The following HCFC1 variants were observed in gnomAD, a reference collection of about 807,000 sequenced individuals.
The protein encoded by HCFC1 is host cell factor 1.
A neutral mutation model predicts 105.5 loss-of-function variants in HCFC1; 7 were observed. The ratio of observed to expected loss-of-function variants is 0.07; its 90% confidence interval spans 0.04 to 0.12. The LOEUF (loss-of-function observed/expected upper bound fraction) is 0.12. HCFC1 is among the 10% of genes least tolerant of loss of function. The pLI is 1.00. For missense variants in HCFC1, 1,065 were observed against 1,823.6 expected, an observed-to-expected ratio of 0.58 and a Z score of 7.58; for synonymous variants, 918 against 828.1, an observed-to-expected ratio of 1.11 and a Z score of -1.86.
intron 8 of HCFC1, 149 bp downstream of exon 8, chrX:153,959,653 A>G (rs2065410523): frequency 2.1e-6 from 2 of 934,607 alleles, no homozygotes; most frequent in South Asian, 2.4e-5. Flanking sequence ...GCCAGGCTTT[A>G]GCATCCCCCT....
intron 1 of HCFC1, among the ~76,000 whole-genome samples, chrX:153,965,015 C>CTT (rs1374616053): frequency 1.9e-4 from 21 of 111,483 alleles, no homozygotes; most frequent in Non-Finnish European, 1.3e-4. Flanking sequence ...CACTGCCTTC[C>CTT]TTCCCTAGCA....
chrX:153,950,116 G>C, intron 24 of HCFC1, 127 bp downstream of exon 24: 1 of 727,851 alleles, frequency 1.4e-6, no homozygotes, highest in Non-Finnish European at 2.0e-6. Context: ...GGGGGGCTGT[G>C]TGCGCGCCAA....
At position 153,954,082 on chromosome X, in the gene HCFC1, G is replaced by A. The variant is rs2065343300; in HGVS notation, c.4317C>T (p.Asn1439=). The part of the protein sequence containing the change: ...TTHTATTVTS[N]MSSNQDPPPA... ...TTCACTTACCTTGGTTTGAACTCAT[G>A]TTGGAAGTGACAGTGGTGGCCGTGT... is the stretch of plus-strand genomic sequence containing the variant. Residue 1439 remains asparagine, a synonymous_variant, in exon 17 of 26, where the codon AAC becomes AAT. Coordinates refer to ENST00000310441, the MANE Select transcript of HCFC1 (RefSeq NM_005334.3). 2 of 1,202,504 alleles carry A rather than the reference G, an allele frequency of 1.7e-6. No individual in the cohort carries two copies. Among genetic ancestry groups the A allele is most frequent in the Non-Finnish European group, 1.1e-6 (1 of 889,009 alleles).
Position 153,954,534 on chromosome X carries a change from A to T in HCFC1, c.3865T>A (p.Cys1289Ser). 6 of 1,210,723 alleles carry T rather than the reference A, an allele frequency of 5.0e-6. No homozygotes were observed. Among genetic ancestry groups the T allele is most frequent in the Non-Finnish European group, 6.7e-6 (6 of 895,039 alleles). Reference sequence around the variant, plus strand: ...TGGGTCTCACATGGTGGGTTGGAGCAGACTTGGGTCACGGTGGCCGAGGGG... The same window carrying T: ...TGGGTCTCACATGGTGGGTTGGAGCTGACTTGGGTCACGGTGGCCGAGGGG... Reference protein sequence around the residue: ...LCPSATVTQVCSNPPCETHET... With the variant: ...LCPSATVTQVSSNPPCETHET... Residue 1289 changes from cysteine to serine, a missense_variant, in exon 17 of 26, where the codon TGC becomes AGC. Cys to Ser is a moderately radical substitution (Grantham distance 112). Transcript: ENST00000310441.
At chrX:153,957,647 G>C (rs2065390844) in intron 12 of HCFC1, 114 bp from the exon 13 acceptor site, 1 of 774,245 alleles carries the variant, frequency 1.3e-6, no homozygotes, top group East Asian at 3.2e-5. Context: ...GAGGCTGTGG[G>C]CGAGGGGAGT....
intron 18 of HCFC1, among the ~76,000 whole-genome samples, chrX:153,953,361 C>T (rs989581939): frequency 8.0e-5 from 9 of 112,185 alleles, no homozygotes; most frequent in Non-Finnish European, 1.7e-4. Context: ...ATGTCTTATA[C>T]AGGCTGCGGT....
In HCFC1 at chrX:153,950,819, G is replaced by T. The variant is rs1557112237; in HGVS notation, c.5697C>A (p.Ile1899=). 8.3e-7 allele frequency: 1 copy of T among 1,209,564 alleles called. No homozygotes were observed. The highest frequency in any genetic ancestry group is 1.1e-6 in the Non-Finnish European group (1 of 894,812). Residue 1899 remains isoleucine, a synonymous_variant, in exon 23 of 26, where the codon ATC becomes ATA. Transcript: ENST00000310441. ...ACCCCACAGCAAGACTCACTTTGCT[G>T]ATTTTAATGGCACAAGGGGCCCCTG... is the stretch of plus-strand genomic sequence containing the variant. ...GFPGAPCAIK[I]SKSPDGAHLT... is the part of the protein sequence containing the mutation.
At position 153,949,533 on chromosome X, in the gene HCFC1, G is replaced by A. The variant is rs782429228; in HGVS notation, c.6068+20C>T. 20 of 1,202,166 alleles carry A rather than the reference G, an allele frequency of 1.7e-5. No individual in the cohort carries two copies. The highest frequency in any genetic ancestry group is 3.5e-5 in the South Asian group (2 of 56,677). On this transcript the variant is annotated intron_variant, in intron 25 of 25. Coordinates refer to ENST00000310441, the MANE Select transcript of HCFC1 (RefSeq NM_005334.3). Reference sequence around the variant, plus strand: ...CCACCCCTAGTCTCAGAAGGTTCCCGAGAGGGGCTTCCTGCTTACATTTCT... The same window carrying A: ...CCACCCCTAGTCTCAGAAGGTTCCCAAGAGGGGCTTCCTGCTTACATTTCT...
At position 153,971,616 on chromosome X, in the gene HCFC1, CT is replaced by C. The variant is rs1603299724; in HGVS notation, c.-777del. The C allele has an allele frequency of 1.7e-5, 5 of 295,192 alleles. No homozygotes were observed. The highest frequency in any genetic ancestry group is 2.4e-5 in the Non-Finnish European group (4 of 168,705). 24.3% of individuals were successfully genotyped at this position (295,192 alleles called of 1,213,427 possible). A position where few individuals can be genotyped will look rare whatever the true frequency, so the allele number is the denominator to read the frequency against. ...CTTGAGACTAGCTCCCCGTTCCCCC[CT>C]ATTCTCTTCCTCCTAGGTCAGTTCT... On this transcript the variant is annotated 5_prime_UTR_variant, in exon 1 of 26. It adds an upstream start codon to the 5' untranslated region. Transcript: ENST00000310441.
At chrX:153,952,187 T>C in intron 19 of HCFC1, 29 bp from the exon 20 acceptor site, 1 of 1,086,402 alleles carries the variant, frequency 9.2e-7, no homozygotes, top group Non-Finnish European at 1.2e-6. Flanking sequence ...AAACACTACT[T>C]ACTAGGAAGG....
chrX:153,957,812 C>T lies in HCFC1; in HGVS notation c.2103G>A (p.Ala701=), dbSNP rs782534447. ...PVQTSAVTGQ[A]STGPVTQIIQ... is the part of the protein sequence containing the mutation. ...TGATCTGAGTCACAGGACCCGTGGA[C>T]GCCTGGCCTGTGACTGCTGAAGTCT... The change falls in exon 12 of 26, where the codon GCG becomes GCA. Residue 701 remains alanine (A), a synonymous_variant. Coordinates refer to ENST00000310441, the MANE Select transcript of HCFC1 (RefSeq NM_005334.3). 1.2e-5 allele frequency: 15 copies of T among 1,207,694 alleles called. No individual in the cohort carries two copies. Among genetic ancestry groups the T allele is most frequent in the South Asian group, 1.8e-5 (1 of 56,763 alleles).
Position 153,962,305 on chromosome X carries a change from G to A in HCFC1, c.714C>T (p.Asp238=), listed in dbSNP as rs1557117223. ...GACTGGGCTTATTCCACGTCAGGGT[G>A]TCTGCAGAGAGACGGAGGGGAAAGG... ...RLGDLWTLDI[D]TLTWNKPSLS... The change falls in exon 5 of 26, where the codon GAC becomes GAT. Residue 238 remains aspartate (D), a splice_region_variant and synonymous_variant. Transcript: ENST00000310441. 3.3e-6 allele frequency: 4 copies of A among 1,200,702 alleles called. No homozygotes were observed. The highest frequency in any genetic ancestry group is 4.5e-6 in the Non-Finnish European group (4 of 885,836).
rs782240899 is a variant in HCFC1 at position 153,958,052 on chromosome X, G to T, written c.2001C>A (p.Pro667=). The T allele has an allele frequency of 3.3e-6, 4 of 1,211,150 alleles. No homozygotes were observed. The East Asian group carries it at 8.9e-5, about 27-fold the overall frequency. The change falls in exon 11 of 26, where the codon CCC becomes CCA. Residue 667 remains proline, a synonymous_variant. Transcript: ENST00000310441. ...GAGCACTGCCTCCTGGGACAGAGAT[G>T]GGGCTCTTCACCAGGGTGATGGTCT... ...VTKTITLVKS[P]ISVPGGSALI...
In HCFC1 at chrX:153,951,502, C is replaced by A; in HGVS notation, c.5380-15G>T. ...AGGTCTGGCTTCTGCAAGACAGAAT[C>A]GGTGCGACGAGATCAGGCCCTCAGC... On this transcript the variant is annotated splice_polypyrimidine_tract_variant and intron_variant, in intron 21 of 25. Transcript: ENST00000310441. 1.7e-6 allele frequency: 2 copies of A among 1,210,923 alleles called. No individual in the cohort carries two copies. Among genetic ancestry groups the A allele is most frequent in the Non-Finnish European group, 2.2e-6 (2 of 895,275 alleles).
chrX:153,949,521 CAG>C (rs2065289581), intron 25 of HCFC1, 30 bp downstream of exon 25: 1 of 1,198,719 alleles, frequency 8.3e-7, no homozygotes, highest in African/African-American at 1.7e-5. Context: ...CCCCTAGTCT[CAG>C]AAGGTTCCCG....
At chrX:153,964,799 C>T in intron 1 of HCFC1, 73 bp from the exon 2 acceptor site, 1 of 1,054,889 alleles carries the variant, frequency 9.5e-7, no homozygotes, top group Middle Eastern at 3.1e-4. Context: ...AATGTGCCAG[C>T]CGTCAAGCTT....
At position 153,955,024 on chromosome X, in the gene HCFC1, C is replaced by A. The variant is rs960541644; in HGVS notation, c.3375G>T (p.Ser1125=). 3 of 1,209,639 alleles carry A rather than the reference C, an allele frequency of 2.5e-6. No individual in the cohort carries two copies. Among genetic ancestry groups the A allele is most frequent in the East Asian group, 5.9e-5 (2 of 33,703 alleles). ...GTTNTATTAM[S]SVGANHQRDA... ...CTCGCTGGTGGTTGGCGCCGACGCT[C>A]GACATGGCTGTAGTGGCAGTGTTGG... is the stretch of plus-strand genomic sequence containing the variant. Residue 1125 remains serine, a synonymous_variant, in exon 17 of 26, where the codon TCG becomes TCT. Transcript: ENST00000310441.
chrX:153,971,630 C>T lies in HCFC1; in HGVS notation c.-790G>A, dbSNP rs1467336253. 1 of 294,790 alleles carries T rather than the reference C, an allele frequency of 3.4e-6. No individual in the cohort carries two copies. The highest frequency in any genetic ancestry group is 2.7e-5 in the African/African-American group (1 of 36,676). The allele number at this position is 294,790 out of a possible 1,213,427, so 24.3% of individuals were successfully genotyped here. ...CCCGTTCCCCCCTATTCTCTTCCTC[C>T]TAGGTCAGTTCTTCCACTGCACACC... On this transcript the variant is annotated 5_prime_UTR_variant, in exon 1 of 26. Transcript: ENST00000310441.
At chrX:153,959,764 GC>G (rs1557116199) in intron 8 of HCFC1, 37 bp downstream of exon 8, 2 of 1,146,879 alleles carry the variant, frequency 1.7e-6, no homozygotes, top group Non-Finnish European at 2.3e-6. Context: ...CCGGAGGCTA[GC>G]CCCCTACTTT....
Sources: allele counts gnomAD v4.1 joint callset (sites outside exome capture counted in the v4.1 genomes callset), GRCh38; gene constraint gnomAD v4.1.1; transcripts MANE v1.5; gene names NCBI Gene and HGNC (gene_info 2026-07-23, HGNC 2026-07-21).